Variants in OBI1 observed in about 807,000 individuals in gnomAD.
OBI1 encodes ORC ubiquitin ligase 1, also known as ring finger protein 219.
OBI1 carries 59 observed loss-of-function variants against 62.4 expected under a neutral mutation model. That is an observed-to-expected ratio of 0.95 (90% CI 0.77 to 1.17). The LOEUF (loss-of-function observed/expected upper bound fraction) is 1.17, where lower values mean the gene tolerates loss of function less well. OBI1 is among the 50% of genes most tolerant of loss of function. The pLI is 0.00. For missense variants in OBI1, 875 were observed against 830.9 expected, an observed-to-expected ratio of 1.05 and a Z score of -0.65; for synonymous variants, 302 against 292.8, an observed-to-expected ratio of 1.03 and a Z score of -0.32.
chr13:78,657,639 ACT>A (rs1240481968), intron 1 of OBI1, among the ~76,000 whole-genome samples: 1 of 152,248 alleles, frequency 6.6e-6, no homozygotes, highest in African/African-American at 2.4e-5. Flanking sequence ...CAAACAGAAC[ACT>A]GTCAATACAA....
intron 1 of OBI1, 64 bp from the exon 2 acceptor site, chr13:78,645,061 A>C: frequency 6.8e-7 from 1 of 1,468,540 alleles, no homozygotes; most frequent in Non-Finnish European, 9.2e-7. Context: ...CAAATGGTTT[A>C]GTTTACAGCA....
At chr13:78,656,397 A>G (rs1876701551) in intron 1 of OBI1, among the ~76,000 whole-genome samples, 1 of 152,060 alleles carries the variant, frequency 6.6e-6, no homozygotes, top group African/African-American at 2.4e-5. Flanking sequence ...AGCCTGACCA[A>G]CATGGAGAAA....
chr13:78,619,166 C>G (rs2137427639), intron 5 of OBI1, among the ~76,000 whole-genome samples: 1 of 151,962 alleles, frequency 6.6e-6, no homozygotes, highest in South Asian at 2.1e-4. Context: ...CAGTTGCTAC[C>G]AAAGGATATC....
At chr13:78,631,579 C>T (rs1875851070) in intron 5 of OBI1, among the ~76,000 whole-genome samples, 1 of 152,124 alleles carries the variant, frequency 6.6e-6, no homozygotes, top group Non-Finnish European at 1.5e-5. Context: ...TTAGGGGAAA[C>T]TGAAGGGCCA....
intron 5 of OBI1, among the ~76,000 whole-genome samples, chr13:78,630,976 AGTTT>A (rs1288910636): frequency 6.6e-6 from 1 of 152,148 alleles, no homozygotes; most frequent in Non-Finnish European, 1.5e-5. Context: ...ATCTTTCAAC[AGTTT>A]GTTACTAATC....
intron 5 of OBI1, among the ~76,000 whole-genome samples, chr13:78,629,973 C>T (rs1875796818): frequency 6.6e-6 from 1 of 152,114 alleles, no homozygotes; most frequent in Non-Finnish European, 1.5e-5. Flanking sequence ...GCTACTACTA[C>T]TGGAGAAAAA....
intron 5 of OBI1, among the ~76,000 whole-genome samples, chr13:78,628,170 C>G (rs901110232): frequency 6.6e-6 from 1 of 152,186 alleles, no homozygotes; most frequent in Non-Finnish European, 1.5e-5. Flanking sequence ...TTAACTCTTA[C>G]TATTACTTAC....
intron 5 of OBI1, among the ~76,000 whole-genome samples, chr13:78,633,421 T>G (rs1413228842): frequency 1.3e-5 from 2 of 152,156 alleles, no homozygotes; most frequent in Admixed American, 1.3e-4. Context: ...AGGGCAACAT[T>G]TCCTCCTTTT....
chr13:78,643,897 C>T (rs1876301258), intron 2 of OBI1, among the ~76,000 whole-genome samples: 1 of 152,178 alleles, frequency 6.6e-6, no homozygotes, highest in Non-Finnish European at 1.5e-5. Context: ...TGTAGATTCA[C>T]TTTCAATTTT....
chr13:78,654,909 T>C (rs1249540184), intron 1 of OBI1, among the ~76,000 whole-genome samples: 3 of 147,334 alleles, frequency 2.0e-5, no homozygotes, highest in Non-Finnish European at 4.5e-5. Context: ...TCCACCTACA[T>C]TCCAATCCCA....
intron 1 of OBI1, among the ~76,000 whole-genome samples, chr13:78,656,316 G>T (rs564703900): frequency 6.6e-6 from 1 of 152,292 alleles, no homozygotes; most frequent in South Asian, 2.1e-4. Flanking sequence ...GGGAGTGGTG[G>T]CTCACGCTTG....
Position 78,646,473 on chromosome 13 carries a change from C to CAA in OBI1, c.73-1478_73-1477dup, listed in dbSNP as rs1417120298. On this transcript the variant is annotated intron_variant, in intron 1 of 5. Transcript: ENST00000282003. ...AATAGCACAAATTTAAAAATACAAA[C>CAA]AAAAACAGCACAGAAAAATGTAGTC... is the stretch of plus-strand genomic sequence containing the variant. Among the ~76,000 whole-genome samples the CAA allele has an allele frequency of 5.9e-5, 9 of 152,056 alleles. 1 individual carries two copies. In the East Asian group the frequency reaches 1.5e-3, roughly 26 times the overall value.
intron 5 of OBI1, among the ~76,000 whole-genome samples, chr13:78,626,048 T>A (rs998629842): frequency 9.2e-5 from 14 of 152,314 alleles, no homozygotes; most frequent in Admixed American, 9.1e-4. Flanking sequence ...AGAGTCAGCA[T>A]GGAGACAGGT....
intron 1 of OBI1, among the ~76,000 whole-genome samples, chr13:78,656,780 C>CT (rs1876720085): frequency 1.4e-5 from 1 of 72,780 alleles, no homozygotes; most frequent in Admixed American, 1.6e-4. Context: ...AATTAATTTT[C>CT]TTTTATTTTT....
chr13:78,622,196 T>C (rs1022638229), intron 5 of OBI1, among the ~76,000 whole-genome samples: 4 of 152,126 alleles, frequency 2.6e-5, no homozygotes, highest in Non-Finnish European at 2.9e-5. Context: ...GTAATTCCAA[T>C]GCTTTGGGAG....
intron 1 of OBI1, among the ~76,000 whole-genome samples, chr13:78,648,524 T>C (rs145739166): frequency 2.3e-4 from 35 of 152,042 alleles, no homozygotes; most frequent in Admixed American, 3.9e-4. Context: ...TGCCAATCTT[T>C]CCATAAAAAA....
intron 1 of OBI1, among the ~76,000 whole-genome samples, chr13:78,657,276 T>A (rs1159917674): frequency 3.6e-5 from 5 of 140,074 alleles, no homozygotes; most frequent in Non-Finnish European, 7.7e-5. Context: ...CAGAATAAAG[T>A]TAACCAATAC....
At position 78,615,725 on chromosome 13, in the gene OBI1, A is replaced by T. The variant is rs1414820667; in HGVS notation, c.2036T>A (p.Met679Lys). ...GSSLFKMSSEMHSLHNHLQSP... is the reference protein window; with the variant it reads ...GSSLFKMSSEKHSLHNHLQSP... ...CTGAAGGTGGTTATGAAGACTGTGC[A>T]TCTCTGAGGACATCTTAAACAAAGA... Residue 679 changes from methionine (M) to lysine (K), a missense_variant, in exon 6 of 6, where the codon ATG (methionine) becomes AAG (lysine). Transcript: ENST00000282003. 1.4e-5 allele frequency: 22 copies of T among 1,614,010 alleles called. No homozygotes were observed. In the Admixed American group the frequency reaches 3.7e-4, roughly 27 times the overall value.
At chr13:78,635,537 G>A (rs139519911) in intron 4 of OBI1, among the ~76,000 whole-genome samples, 30 of 152,262 alleles carry the variant, frequency 2.0e-4, no homozygotes, top group African/African-American at 6.5e-4. Flanking sequence ...TTCTAGGCAA[G>A]GTAACATTAT....
Sources: allele counts gnomAD v4.1 joint callset (sites outside exome capture counted in the v4.1 genomes callset), GRCh38; gene constraint gnomAD v4.1.1; transcripts MANE v1.5; gene names NCBI Gene and HGNC (gene_info 2026-07-23, HGNC 2026-07-21).